SMIM35: variants seen among roughly 807,000 people sequenced by gnomAD.
SMIM35 encodes the protein small integral membrane protein 35.
Position 118,083,608 on chromosome 11 carries a change from ATT to A in SMIM35, c.7+3141_7+3142del, listed in dbSNP as rs1945322519. On this transcript the variant is annotated intron_variant, in intron 1 of 4. Coordinates refer to ENST00000689828, the MANE Select transcript of SMIM35 (RefSeq NM_001394165.1). ...TGAACTTCCCAAGTTCTATTTTAAT[ATT>A]GTTATTAATAACTAATAAAAATAAT... is the stretch of plus-strand genomic sequence containing the variant. 5.3e-5 allele frequency among the ~76,000 whole-genome samples: 8 copies of A among 152,338 alleles called. No homozygotes were observed. The South Asian group carries it at 1.7e-3, about 32-fold the overall frequency.
chr11:118,026,528 T>A (rs2058274961), intron 1 of SMIM35, among the ~76,000 whole-genome samples: 1 of 152,232 alleles, frequency 6.6e-6, no homozygotes, highest in Non-Finnish European at 1.5e-5. Flanking sequence ...CTCTTGGTGA[T>A]CTTGCCAGAA....
chr11:118,054,295 T>C (rs964877635), intron 1 of SMIM35, among the ~76,000 whole-genome samples: 8 of 152,202 alleles, frequency 5.3e-5, no homozygotes, highest in African/African-American at 1.7e-4. Flanking sequence ...CAGAAAAACA[T>C]TGACATTTTC....
chr11:118,047,412 GC>G (rs1944115629), intron 1 of SMIM35, among the ~76,000 whole-genome samples: 1 of 152,194 alleles, frequency 6.6e-6, no homozygotes, highest in South Asian at 2.1e-4. Flanking sequence ...CCCAGTCGGG[GC>G]TTTGGAGGTT....
At chr11:118,027,038 T>TTTTTTTTTTTTTA (rs2058280413) in intron 1 of SMIM35, among the ~76,000 whole-genome samples, 1 of 144,612 alleles carries the variant, frequency 6.9e-6, no homozygotes. Flanking sequence ...TTTTTTTTTT[T>TTTTTTTTTTTTTA]GAGACGGAGT....
chr11:118,052,258 G>A (rs976650210), intron 1 of SMIM35, among the ~76,000 whole-genome samples: 2 of 152,250 alleles, frequency 1.3e-5, no homozygotes, highest in East Asian at 3.9e-4. Flanking sequence ...AGTTTCCCGC[G>A]TCCGGCCTTC....
rs561113224 is a variant in SMIM35, at chr11:118,045,493, G to C, written c.8-29684C>G. Among the ~76,000 whole-genome samples the C allele has an allele frequency of 2.9e-4, 44 of 152,194 alleles. No homozygotes were observed. The Middle Eastern group carries it at 0.017, about 59-fold the overall frequency. On this transcript the variant is annotated intron_variant, in intron 1 of 4. Transcript: ENST00000689828. ...GTGGGGTAGGGAGTAGAAGTAAAAAGAGCCTTTCAAGTTTTGCCTTAGTAT... is the reference window on the plus strand; with the variant it reads ...GTGGGGTAGGGAGTAGAAGTAAAAACAGCCTTTCAAGTTTTGCCTTAGTAT...
At chr11:118,040,632 A>G (rs1391687235) in intron 1 of SMIM35, among the ~76,000 whole-genome samples, 1 of 152,224 alleles carries the variant, frequency 6.6e-6, no homozygotes, top group Non-Finnish European at 1.5e-5. Flanking sequence ...ATCTCATGCT[A>G]ATTTGAATAC....
At chr11:118,031,376 T>C (rs2058318308) in intron 1 of SMIM35, among the ~76,000 whole-genome samples, 1 of 152,212 alleles carries the variant, frequency 6.6e-6, no homozygotes, top group African/African-American at 2.4e-5. Context: ...ATGGCTGATT[T>C]CAGTACCAGC....
At chr11:118,064,600 G>C (rs766163833) in intron 1 of SMIM35, among the ~76,000 whole-genome samples, 3 of 150,782 alleles carry the variant, frequency 2.0e-5, no homozygotes, top group Non-Finnish European at 1.5e-5. Context: ...ATTGTTATTT[G>C]TCTGTTTTTT....
chr11:118,085,708 G>A (rs768343596), intron 1 of SMIM35, among the ~76,000 whole-genome samples: 1 of 152,190 alleles, frequency 6.6e-6, no homozygotes, highest in Non-Finnish European at 1.5e-5. Flanking sequence ...AAACCCATGA[G>A]GGTCCCTGCC....
intron 1 of SMIM35, among the ~76,000 whole-genome samples, chr11:118,038,813 T>C (rs1455045975): frequency 6.6e-6 from 1 of 151,992 alleles, no homozygotes; most frequent in African/African-American, 2.4e-5. Context: ...AAAACAATAA[T>C]AACATTTTAG....
At chr11:118,035,519 A>G (rs1442472621) in intron 1 of SMIM35, among the ~76,000 whole-genome samples, 1 of 152,216 alleles carries the variant, frequency 6.6e-6, no homozygotes, top group Non-Finnish European at 1.5e-5. Flanking sequence ...CGTATGTTCT[A>G]TGAAAAAGTA....
intron 1 of SMIM35, among the ~76,000 whole-genome samples, chr11:118,064,645 C>CTAT (rs368416382): frequency 6.7e-6 from 1 of 149,882 alleles, no homozygotes; most frequent in Non-Finnish European, 1.5e-5. Flanking sequence ...TTTTTCATCA[C>CTAT]TATTATTATT....
intron 1 of SMIM35, among the ~76,000 whole-genome samples, chr11:118,079,302 C>G (rs1333452398): frequency 3.3e-5 from 5 of 152,168 alleles, no homozygotes; most frequent in African/African-American, 1.2e-4. Context: ...CCTCCCTTCC[C>G]TTCCCTTCCA....
intron 1 of SMIM35, among the ~76,000 whole-genome samples, chr11:118,024,058 G>A (rs2058254248): frequency 6.6e-6 from 1 of 151,754 alleles, no homozygotes. Flanking sequence ...TATTAGTGAG[G>A]TGCAGGACAA....
In SMIM35 at chr11:118,004,999, G is replaced by T. The variant is rs1053257826; in HGVS notation, c.*1411C>A. On this transcript the variant is annotated 3_prime_UTR_variant, in exon 5 of 5. Transcript: ENST00000689828. Reference sequence around the variant, plus strand: ...TACCTCTACCCACATGGGGCAGAAGGGCGTGGTGGAGATTAAGACCTCACA... The same window carrying T: ...TACCTCTACCCACATGGGGCAGAAGTGCGTGGTGGAGATTAAGACCTCACA... 6.6e-6 allele frequency: 1 copy of T among 152,298 alleles called. No individual in the cohort carries two copies. The highest frequency in any genetic ancestry group is 1.5e-5 in the Non-Finnish European group (1 of 68,154). The allele number at this position is 152,298 out of a possible 1,614,324, so 9.4% of individuals were successfully genotyped here. A position where few individuals can be genotyped will look rare whatever the true frequency, so the allele number is the denominator to read the frequency against.
chr11:118,081,736 C>T (rs1945155506), intron 1 of SMIM35, among the ~76,000 whole-genome samples: 1 of 147,216 alleles, frequency 6.8e-6, no homozygotes, highest in African/African-American at 2.5e-5. Context: ...TCAGTTTCTT[C>T]CTCTAAATCT....
At chr11:118,073,302 A>G (rs1944602173) in intron 1 of SMIM35, among the ~76,000 whole-genome samples, 1 of 152,202 alleles carries the variant, frequency 6.6e-6, no homozygotes, top group African/African-American at 2.4e-5. Context: ...CCCACTTTAC[A>G]GATGAAGAAG....
intron 1 of SMIM35, among the ~76,000 whole-genome samples, chr11:118,073,189 T>G (rs1944600612): frequency 6.6e-6 from 1 of 152,228 alleles, no homozygotes; most frequent in Non-Finnish European, 1.5e-5. Flanking sequence ...CCACCTGCCT[T>G]GACCTCCCAA....
Sources: allele counts gnomAD v4.1 joint callset (sites outside exome capture counted in the v4.1 genomes callset), GRCh38; gene constraint gnomAD v4.1.1; transcripts MANE v1.5; gene names NCBI Gene and HGNC (gene_info 2026-07-23, HGNC 2026-07-21).